ZNF160: variants seen among roughly 807,000 people sequenced by gnomAD.
The protein encoded by ZNF160 is zinc finger protein 160, also known as KRAB zinc finger protein KR18.
Under a neutral mutation model 13.1 loss-of-function variants are expected in ZNF160, and 9 were observed. The ratio of observed to expected loss-of-function variants is 0.69; its 90% CI spans 0.41 to 1.20. The LOEUF is 1.20. Among genes scored for constraint, ZNF160 ranks in the 50% most tolerant of loss-of-function variants. The pLI is 0.01. For missense variants in ZNF160, 838 were observed against 988.0 expected, an observed-to-expected ratio of 0.85 and a Z score of 2.04; for synonymous variants, 293 against 333.2, an observed-to-expected ratio of 0.88 and a Z score of 1.31.
At chr19:53,100,727 G>T (rs1015230066) in intron 1 of ZNF160, among the ~76,000 whole-genome samples, 5 of 152,280 alleles carry the variant, frequency 3.3e-5, no homozygotes, top group Non-Finnish European at 7.4e-5. Flanking sequence ...CGGCGTAGTG[G>T]CTCACGCCTG....
chr19:53,101,764 A>G (rs376597132), intron 1 of ZNF160, among the ~76,000 whole-genome samples: 3 of 152,224 alleles, frequency 2.0e-5, no homozygotes, highest in Admixed American at 6.5e-5. Flanking sequence ...TCACTGCCCA[A>G]TGGCTAAACA....
At chr19:53,090,132 T>C (rs932601546) in intron 2 of ZNF160, among the ~76,000 whole-genome samples, 2 of 151,034 alleles carry the variant, frequency 1.3e-5, no homozygotes, top group Non-Finnish European at 2.9e-5. Context: ...CATACTGTGG[T>C]TCTCCCTCTG....
At chr19:53,101,236 C>T (rs182571780) in intron 1 of ZNF160, among the ~76,000 whole-genome samples, 30 of 152,062 alleles carry the variant, frequency 2.0e-4, no homozygotes, top group Non-Finnish European at 2.9e-4. Flanking sequence ...GCTGAGATCA[C>T]GCCACTGCCC....
Position 53,070,164 on chromosome 19 carries a change from G to A in ZNF160, c.370C>T (p.Pro124Ser), listed in dbSNP as rs113127122. The A allele has an allele frequency of 2.3e-5, 37 of 1,614,014 alleles. No homozygotes were observed. In the South Asian group the frequency reaches 3.6e-4, roughly 16 times the overall value. ...TTGAAGGAAAAGTCTTCAATGTCAG[G>A]GCTTTCGTGTCTTTCCAACACCACT... ...HTVVLERHES[P>S]DIEDFSFKEP... Residue 124 changes from proline to serine, a missense_variant, in exon 6 of 6, where the codon CCT becomes TCT. Physicochemically the swap from Pro to Ser is moderately conservative, Grantham distance 74. This residue lies in a region of ZNF160 where 387 missense variants were observed against 402.3 expected (regional missense o/e 0.96). Coordinates refer to ENST00000683776, the MANE Select transcript of ZNF160 (RefSeq NM_001322131.2).
At chr19:53,094,979 G>A (rs1290169405) in intron 1 of ZNF160, among the ~76,000 whole-genome samples, 3 of 142,396 alleles carry the variant, frequency 2.1e-5, no homozygotes, top group Non-Finnish European at 4.6e-5. Flanking sequence ...CCATCCCGCC[G>A]CCCTCTTCCA....
At chr19:53,071,080 CA>C (rs1307722452) in intron 5 of ZNF160, among the ~76,000 whole-genome samples, 1 of 152,082 alleles carries the variant, frequency 6.6e-6, no homozygotes, top group Admixed American at 6.6e-5. Context: ...CCTATAGTCC[CA>C]GCTTCTCAGG....
chr19:53,075,018 AAGAAC>A, intron 4 of ZNF160, 34 bp downstream of exon 4: 1 of 1,613,452 alleles, frequency 6.2e-7, no homozygotes, highest in Non-Finnish European at 8.5e-7. Context: ...AACAATAGAC[AAGAAC>A]AGATCTTGAC....
At chr19:53,096,078 G>A (rs2085222840) in intron 1 of ZNF160, among the ~76,000 whole-genome samples, 4 of 152,132 alleles carry the variant, frequency 2.6e-5, no homozygotes, top group Non-Finnish European at 1.5e-5. Flanking sequence ...AATGACCCAG[G>A]AGTGGTGGCA....
At position 53,068,101 on chromosome 19, in the gene ZNF160, A is replaced by T. The variant is rs1204124551; in HGVS notation, c.2433T>A (p.His811Gln). 1 of 1,610,838 alleles carries T rather than the reference A, an allele frequency of 6.2e-7. No homozygotes were observed. Among genetic ancestry groups the T allele is most frequent in the Non-Finnish European group, 8.5e-7 (1 of 1,178,204 alleles). ...SSNLASHHRMHTGEKPYK is the reference protein window; with the variant it reads ...SSNLASHHRMQTGEKPYK ...CTCATTTGTAAGGTTTCTCTCCGGT[A>T]TGCATTCTGTGATGACTTGCAAGAT... The change falls in exon 6 of 6, where the codon CAT becomes CAA. Residue 811 changes from histidine (H) to glutamine (Q), a missense_variant. Transcript: ENST00000683776.
chr19:53,100,740 A>G (rs2085416074), intron 1 of ZNF160, among the ~76,000 whole-genome samples: 1 of 152,210 alleles, frequency 6.6e-6, no homozygotes, highest in Admixed American at 6.5e-5. Context: ...CACGCCTGTA[A>G]TCCCAGCACT....
intron 5 of ZNF160, among the ~76,000 whole-genome samples, 162 bp downstream of exon 5, chr19:53,073,978 T>C (rs561042648): frequency 6.6e-6 from 1 of 152,072 alleles, no homozygotes; most frequent in African/African-American, 2.4e-5. Flanking sequence ...TTAGTAGAGA[T>C]AGGGTTTCAC....
chr19:53,101,860 ATATG>A (rs2085458138), intron 1 of ZNF160, among the ~76,000 whole-genome samples: 3 of 152,230 alleles, frequency 2.0e-5, no homozygotes, highest in Non-Finnish European at 4.4e-5. Flanking sequence ...TCTCATCCTT[ATATG>A]TAGAATTTAA....
At chr19:53,090,823 C>A (rs1396645061) in intron 2 of ZNF160, among the ~76,000 whole-genome samples, 2 of 152,116 alleles carry the variant, frequency 1.3e-5, no homozygotes, top group Non-Finnish European at 2.9e-5. Flanking sequence ...CTTAGGGGAC[C>A]CAAAGGGTGA....
chr19:53,098,749 G>A (rs2085330535), intron 1 of ZNF160, among the ~76,000 whole-genome samples: 3 of 151,524 alleles, frequency 2.0e-5, no homozygotes, highest in African/African-American at 7.3e-5. Flanking sequence ...TCACCTGCTG[G>A]AAGGCAAAGC....
At chr19:53,074,836 A>T (rs1377380791) in intron 4 of ZNF160, among the ~76,000 whole-genome samples, 1 of 152,180 alleles carries the variant, frequency 6.6e-6, no homozygotes, top group Non-Finnish European at 1.5e-5. Flanking sequence ...TATTATGCAT[A>T]CAAAAGCTCT....
intron 3 of ZNF160, chr19:53,075,677 A>G (rs2084360769): frequency 3.9e-6 from 2 of 512,762 alleles, no homozygotes; most frequent in Admixed American, 3.9e-5. Flanking sequence ...CCATATCTCA[A>G]CTAATAGATC....
chr19:53,083,907 GTTA>G (rs753628219), intron 3 of ZNF160, among the ~76,000 whole-genome samples: 2 of 152,152 alleles, frequency 1.3e-5, no homozygotes, highest in Admixed American at 6.5e-5. Context: ...AAGGGAGTGA[GTTA>G]TTATTTTTTT....
chr19:53,084,149 C>T (rs1400593764), intron 3 of ZNF160, among the ~76,000 whole-genome samples: 2 of 152,150 alleles, frequency 1.3e-5, no homozygotes, highest in African/African-American at 2.4e-5. Context: ...TCTCTCCCAC[C>T]CGGAGAGTTT....
intron 1 of ZNF160, among the ~76,000 whole-genome samples, chr19:53,097,438 TATACTTCATAAAGATCCCACAATCCCCAG>T (rs1384869652): frequency 2.5e-4 from 38 of 151,258 alleles, no homozygotes; most frequent in Non-Finnish European, 4.3e-4. Flanking sequence ...ACACTCCCCA[TATACTTCATAAAGATCCCACAATCCCCAG>T]ATACTTCATA....
Sources: gnomAD v4.1 joint callset for allele counts (sites outside exome capture counted in the v4.1 genomes callset) on GRCh38, gnomAD v4.1.1 for gene constraint, gnomAD v4.1.1 regional missense constraint, MANE v1.5 for transcripts, NCBI Gene and HGNC (gene_info 2026-07-23, HGNC 2026-07-21) for gene names.